The following ARID4B variants were observed in gnomAD, a reference collection of about 807,000 sequenced individuals.
The protein encoded by ARID4B is AT-rich interaction domain 4B, also known as AT-rich interactive domain-containing protein 4B.
In ARID4B, 26 loss-of-function variants were observed where a neutral mutation model predicts 147.5. The observed-to-expected ratio is 0.18, with a 90% confidence interval of 0.13 to 0.24. The LOEUF (loss-of-function observed/expected upper bound fraction) is 0.24, where lower values mean the gene tolerates loss of function less well. ARID4B is among the 10% of genes least tolerant of loss of function. The probability of loss-of-function intolerance (pLI) is 1.00; values close to 1 mark genes in which losing one functional copy is unlikely to be tolerated. For synonymous variants in ARID4B, 512 were observed against 507.9 expected (o/e 1.01, Z -0.11); for missense variants, 1,179 against 1,511.5 (o/e 0.78, Z 3.65).
At chr1:235,218,270 T>TAAAAA (rs1216815355) in intron 16 of ARID4B, among the ~76,000 whole-genome samples, 1 of 152,098 alleles carries the variant, frequency 6.6e-6, no homozygotes, top group East Asian at 1.9e-4. Flanking sequence ...CTGTAGTACA[T>TAAAAA]AAAAATCCAT....
intron 2 of ARID4B, among the ~76,000 whole-genome samples, chr1:235,311,053 G>T (rs759934897): frequency 6.6e-6 from 1 of 152,046 alleles, no homozygotes; most frequent in Non-Finnish European, 1.5e-5. Context: ...ATATAGCACA[G>T]GGATGCTCCC....
intron 2 of ARID4B, among the ~76,000 whole-genome samples, chr1:235,308,271 GTAT>G (rs1208561705): frequency 2.3e-5 from 1 of 43,608 alleles, no homozygotes; most frequent in African/African-American, 8.6e-5. Flanking sequence ...GCTAATTTTT[GTAT>G]TGTATTTTTA....
At chr1:235,171,645 CT>C (rs372666527) in intron 23 of ARID4B, among the ~76,000 whole-genome samples, 47 of 146,122 alleles carry the variant, frequency 3.2e-4, no homozygotes, top group Middle Eastern at 3.5e-3. Context: ...GGATAGATGT[CT>C]TTTTTTTTTT....
intron 20 of ARID4B, among the ~76,000 whole-genome samples, chr1:235,179,946 T>C (rs1442386083): frequency 6.6e-6 from 1 of 150,962 alleles, no homozygotes; most frequent in Non-Finnish European, 1.5e-5. Flanking sequence ...GGCACACGCC[T>C]GTAGTCCCAG....
At chr1:235,214,581 G>T (rs956440978) in intron 16 of ARID4B, among the ~76,000 whole-genome samples, 4 of 151,914 alleles carry the variant, frequency 2.6e-5, no homozygotes. Context: ...TTCTCCAACC[G>T]AATTTTCAAA....
rs557620905 is a variant in ARID4B, at chr1:235,233,718, T to TA, written c.665+694dup. 9.4e-3 allele frequency among the ~76,000 whole-genome samples: 1,429 copies of TA among 152,282 alleles called. 15 individuals are homozygous for TA. Among genetic ancestry groups the TA allele is most frequent in the Non-Finnish European group, 0.013 (853 of 68,010 alleles). ...CAGGTATCACTATAACCATTAGACATAACTAGTAGAAGTATTGGAAATTCC... is the reference window on the plus strand; with the variant it reads ...CAGGTATCACTATAACCATTAGACATAAACTAGTAGAAGTATTGGAAATTCC... On this transcript the variant is annotated intron_variant, in intron 9 of 23. Transcript: ENST00000264183.
intron 2 of ARID4B, among the ~76,000 whole-genome samples, chr1:235,283,821 C>T (rs1468919140): frequency 1.3e-5 from 2 of 152,140 alleles, no homozygotes; most frequent in Admixed American, 6.5e-5. Context: ...CTGCAACCTC[C>T]GCCTCCCAGT....
chr1:235,282,236 T>C (rs1361876524), intron 2 of ARID4B, among the ~76,000 whole-genome samples: 3 of 152,218 alleles, frequency 2.0e-5, no homozygotes, highest in Non-Finnish European at 4.4e-5. Context: ...TTTTGTTTAA[T>C]TATATCCTCA....
intron 2 of ARID4B, among the ~76,000 whole-genome samples, chr1:235,292,362 C>T (rs564963886): frequency 1.3e-5 from 2 of 152,248 alleles, no homozygotes; most frequent in African/African-American, 4.8e-5. Flanking sequence ...GCCTGTAATC[C>T]CAGCACTTTG....
At chr1:235,277,648 G>GGTTTT (rs71172284) in intron 2 of ARID4B, among the ~76,000 whole-genome samples, 66,852 of 138,678 alleles carry the variant, frequency 0.48, 16,055 homozygotes, top group South Asian at 0.62. Flanking sequence ...GTGTTTCATT[G>GGTTTT]GTTTTGTTTT....
intron 6 of ARID4B, among the ~76,000 whole-genome samples, chr1:235,252,058 C>G (rs918283687): frequency 6.6e-6 from 1 of 152,152 alleles, no homozygotes; most frequent in Non-Finnish European, 1.5e-5. Context: ...AGCAAAATCC[C>G]TGGCAATTAT....
intron 8 of ARID4B, among the ~76,000 whole-genome samples, chr1:235,236,998 G>C (rs902014485): frequency 7.0e-6 from 1 of 142,330 alleles, no homozygotes; most frequent in African/African-American, 2.6e-5. Context: ...TCAGCCTCCC[G>C]AGTAGCTGGG....
rs777040798 is a variant in ARID4B at position 235,177,829 on chromosome 1, A to G, written c.3419T>C (p.Val1140Ala). 6.2e-7 allele frequency: 1 copy of G among 1,611,976 alleles called. No individual in the cohort carries two copies. The highest frequency in any genetic ancestry group is 1.7e-5 in the Admixed American group (1 of 59,790). ...TTTTCCCTTCTTTTTGTTGTTTACC[A>G]CTGTTGCTTTATGGCTTCTTTTCTG... ...KKQKRSHKATVVNNKKKGKGT... is the reference protein window; with the variant it reads ...KKQKRSHKATAVNNKKKGKGT... The change falls in exon 21 of 24, where the codon GTG becomes GCG. Residue 1140 changes from valine to alanine, a missense_variant. This residue lies in a region of ARID4B where 357 missense variants were observed against 427.3 expected (regional missense o/e 0.84). Transcript: ENST00000264183.
rs1190707773 is a variant in ARID4B at position 235,255,721 on chromosome 1, A to G, written c.213T>C (p.Leu71=). ...TAACAGCTTCCTGATATGCACCATC[A>G]AGATTCTTCACTTCCACAATAGCTC... ...KVGAIVEVKN[L]DGAYQEAVIN... is the part of the protein sequence containing the mutation. The change falls in exon 5 of 24, where the codon CTT becomes CTC. Residue 71 remains leucine, a synonymous_variant. Coordinates refer to ENST00000264183, the MANE Select transcript of ARID4B (RefSeq NM_016374.6). 1.1e-5 allele frequency: 18 copies of G among 1,612,258 alleles called. No homozygotes were observed. The highest frequency in any genetic ancestry group is 1.4e-5 in the Non-Finnish European group (17 of 1,179,122).
chr1:235,214,995 C>A (rs575515338), intron 16 of ARID4B, among the ~76,000 whole-genome samples: 30 of 151,994 alleles, frequency 2.0e-4, no homozygotes, highest in Non-Finnish European at 3.1e-4. Context: ...GCACCCACCA[C>A]CACACCCAGC....
intron 17 of ARID4B, among the ~76,000 whole-genome samples, chr1:235,200,243 G>T (rs776136194): frequency 2.0e-5 from 3 of 152,116 alleles, no homozygotes; most frequent in Non-Finnish European, 4.4e-5. Flanking sequence ...GGCAGATCAT[G>T]AGGTCAGGAG....
At position 235,269,009 on chromosome 1, in the gene ARID4B, T is replaced by C. The variant is rs1003048920; in HGVS notation, c.7-8257A>G. On this transcript the variant is annotated intron_variant, in intron 2 of 23. Coordinates refer to ENST00000264183, the MANE Select transcript of ARID4B (RefSeq NM_016374.6). The stretch of plus-strand genomic sequence containing the variant: ...GAAAGTTTGAGCATTAAAATAAATA[T>C]TATTTGTGCTATTATCTCCTTAGGG... Among the ~76,000 whole-genome samples the C allele has an allele frequency of 6.6e-5, 10 of 152,144 alleles. No homozygotes were observed. The East Asian group carries it at 1.9e-3, about 29-fold the overall frequency.
At chr1:235,273,883 G>A (rs1480787027) in intron 2 of ARID4B, among the ~76,000 whole-genome samples, 1 of 152,124 alleles carries the variant, frequency 6.6e-6, no homozygotes, top group Non-Finnish European at 1.5e-5. Context: ...AACCTTTGCT[G>A]GAGAGATCAA....
chr1:235,255,546 CAG>C lies in ARID4B; in HGVS notation c.274+112_274+113del, dbSNP rs555109907. 5.8e-4 allele frequency: 353 copies of C among 606,058 alleles called. 1 individual carries two copies. The East Asian group carries it at 0.011, about 18-fold the overall frequency. The allele number at this position is 606,058 out of a possible 1,614,324, so 37.5% of individuals were successfully genotyped here. A position where few individuals can be genotyped will look rare whatever the true frequency, so the allele number is the denominator to read the frequency against. ...GATGTGGAAAGATAAAATCCAGTAA[CAG>C]TAATAATATCTAGGGTATTAAGAAG... is the stretch of plus-strand genomic sequence containing the variant. On this transcript the variant is annotated intron_variant, in intron 5 of 23. Coordinates refer to ENST00000264183, the MANE Select transcript of ARID4B (RefSeq NM_016374.6).
Sources: allele counts gnomAD v4.1 joint callset (sites outside exome capture counted in the v4.1 genomes callset), GRCh38; gene constraint gnomAD v4.1.1; regional missense constraint gnomAD v4.1.1; transcripts MANE v1.5; gene names NCBI Gene and HGNC (gene_info 2026-07-23, HGNC 2026-07-21).